Variants in TBCD observed in about 807,000 individuals in gnomAD.
TBCD encodes the protein tubulin folding cofactor D.
A neutral mutation model predicts 169.3 loss-of-function variants in TBCD; 105 were observed. The observed-to-expected ratio is 0.62, with a 90% CI of 0.53 to 0.73. The LOEUF is 0.73. Ranked by LOEUF, TBCD falls within the 30% of genes least tolerant of loss-of-function variation. The pLI is 0.00. For synonymous variants in TBCD, 700 were observed against 643.9 expected (o/e 1.09, Z -1.32); for missense variants, 1,444 against 1,600.1 (o/e 0.90, Z 1.66).
chr17:82,919,925 AAATAC>A (rs1337762618), intron 23 of TBCD, among the ~76,000 whole-genome samples: 4 of 152,202 alleles, frequency 2.6e-5, no homozygotes, highest in Non-Finnish European at 1.5e-5. Flanking sequence ...GAGAAATAGC[AAATAC>A]CATGAACAAG....
chr17:82,847,679 C>T (rs1259076295), intron 13 of TBCD, among the ~76,000 whole-genome samples: 1 of 152,124 alleles, frequency 6.6e-6, no homozygotes, highest in Non-Finnish European at 1.5e-5. Flanking sequence ...GCTCTGTCAC[C>T]CAGGCTGGAG....
chr17:82,939,795 G>T (rs527381023), intron 37 of TBCD, among the ~76,000 whole-genome samples: 1 of 152,338 alleles, frequency 6.6e-6, no homozygotes, highest in South Asian at 2.1e-4. Context: ...GGCCTGGCAG[G>T]TGCTGCTGCC....
intron 16 of TBCD, chr17:82,892,991 A>G (rs2059245284): frequency 6.6e-6 from 1 of 152,278 alleles, no homozygotes; most frequent in South Asian, 2.1e-4. Context: ...GTCAGCTGTC[A>G]CCACCCCCAA....
intron 11 of TBCD, among the ~76,000 whole-genome samples, chr17:82,809,022 G>C (rs1420202379): frequency 6.6e-6 from 1 of 151,996 alleles, no homozygotes; most frequent in African/African-American, 2.4e-5. Flanking sequence ...TCTCCCATGC[G>C]TCTGTGCTGG....
At chr17:82,801,649 CGTGTGCGTTGTGTGGGTCGG>C (rs2050547679) in intron 9 of TBCD, among the ~76,000 whole-genome samples, 2 of 87,374 alleles carry the variant, frequency 2.3e-5, no homozygotes, top group Non-Finnish European at 4.7e-5. Flanking sequence ...AGGAGGGCGG[CGTGTGCGTTGTGTGGGTCGG>C]AGTCAGCGTG....
At position 82,907,816 on chromosome 17, in the gene TBCD, C is replaced by T. The variant is rs1019781266; in HGVS notation, c.1978C>T (p.Gln660Ter). ...QAVQGLKQIH[Q>*]QLYDRQLYRG... ...AGTGCAGGGCCTGAAGCAGATTCAC[C>T]AGCAGGTTTGTGTGCAGCCTCTGGG... The change falls in exon 21 of 39, where the codon CAG becomes TAG. Residue 660 changes from glutamine (Q) to a stop codon, truncating the protein, a stop_gained. Coordinates refer to ENST00000355528, the MANE Select transcript of TBCD (RefSeq NM_005993.5). LOFTEE classifies it high-confidence loss of function. 4 of 1,613,496 alleles carry T rather than the reference C, an allele frequency of 2.5e-6. No homozygotes were observed. The highest frequency in any genetic ancestry group is 2.2e-5 in the East Asian group (1 of 44,862).
intron 13 of TBCD, among the ~76,000 whole-genome samples, chr17:82,837,893 C>T (rs551002333): frequency 2.8e-4 from 42 of 152,326 alleles, no homozygotes; most frequent in African/African-American, 1.0e-3. Context: ...TAGACAGTGT[C>T]TACACTAAAG....
chr17:82,867,061 C>T (rs906639724), intron 13 of TBCD, among the ~76,000 whole-genome samples: 84 of 152,326 alleles, frequency 5.5e-4, no homozygotes, highest in African/African-American at 1.9e-3. Context: ...CAGCTGACTA[C>T]GATGGTGCTA....
At chr17:82,879,478 CTG>C (rs1159574886) in intron 14 of TBCD, among the ~76,000 whole-genome samples, 1 of 152,240 alleles carries the variant, frequency 6.6e-6, no homozygotes, top group Non-Finnish European at 1.5e-5. Flanking sequence ...GTGGGACGCT[CTG>C]TGCATCCTCC....
chr17:82,811,822 C>T (rs936701306), intron 12 of TBCD, among the ~76,000 whole-genome samples: 2 of 152,192 alleles, frequency 1.3e-5, no homozygotes, highest in Non-Finnish European at 2.9e-5. Context: ...CAATCTTGTC[C>T]TTCCCTGGGA....
chr17:82,803,403 C>T (rs1316252218), intron 9 of TBCD, among the ~76,000 whole-genome samples: 1 of 152,236 alleles, frequency 6.6e-6, no homozygotes, highest in Admixed American at 6.5e-5. Flanking sequence ...CCCAGCCATT[C>T]TCTGACAGGT....
chr17:82,900,798 T>G, intron 18 of TBCD, 67 bp downstream of exon 18: 2 of 1,191,586 alleles, frequency 1.7e-6, no homozygotes, highest in Non-Finnish European at 2.5e-6. Flanking sequence ...CAGTTGAGCT[T>G]ATAAGCCTTG....
chr17:82,855,993 C>CTTTTTTTTTTTTT (rs60978063), intron 13 of TBCD, among the ~76,000 whole-genome samples: 12 of 66,270 alleles, frequency 1.8e-4, no homozygotes, highest in African/African-American at 3.5e-4. Flanking sequence ...TCCCCCCCCA[C>CTTTTTTTTTTTTT]TTTTTTTTTT....
rs1228301388 is a variant in TBCD, at chr17:82,768,522, C to G, written c.538C>G (p.Gln180Glu). The G allele has an allele frequency of 1.2e-6, 2 of 1,614,022 alleles. No homozygotes were observed. Among genetic ancestry groups the G allele is most frequent in the East Asian group, 4.5e-5 (2 of 44,890 alleles). ...LDGNLLTQPG[Q>E]ARMSIMDRIL... Reference sequence around the variant, plus strand: ...CGGGAACCTCCTCACCCAGCCTGGGCAAGCACGAATGTCCATAATGGACCG... The same window carrying G: ...CGGGAACCTCCTCACCCAGCCTGGGGAAGCACGAATGTCCATAATGGACCG... The change falls in exon 5 of 39, where the codon CAA (glutamine) becomes GAA (glutamate). Residue 180 changes from glutamine (Q) to glutamate (E), a missense_variant. Coordinates refer to ENST00000355528, the MANE Select transcript of TBCD (RefSeq NM_005993.5).
chr17:82,759,672 G>A (rs2047648767), intron 2 of TBCD, among the ~76,000 whole-genome samples: 1 of 152,100 alleles, frequency 6.6e-6, no homozygotes, highest in Admixed American at 6.6e-5. Context: ...CAGTTTCTTT[G>A]TGTTTGGCCT....
At chr17:82,878,678 A>C (rs550922211) in intron 14 of TBCD, among the ~76,000 whole-genome samples, 1 of 152,318 alleles carries the variant, frequency 6.6e-6, no homozygotes, top group African/African-American at 2.4e-5. Context: ...TTTCCTCTGT[A>C]ACTAGCAGTG....
intron 7 of TBCD, among the ~76,000 whole-genome samples, chr17:82,793,844 G>A (rs1330544885): frequency 6.6e-6 from 1 of 152,100 alleles, no homozygotes; most frequent in African/African-American, 2.4e-5. Flanking sequence ...GCCTGCGGGG[G>A]CACGGATGCG....
At position 82,923,794 on chromosome 17, in the gene TBCD, G is replaced by A; in HGVS notation, c.2260+61G>A. 3.5e-6 allele frequency: 5 copies of A among 1,430,736 alleles called. No individual in the cohort carries two copies. In the South Asian group the frequency reaches 6.2e-5, roughly 18 times the overall value. The allele number at this position is 1,430,736 out of a possible 1,614,324, so 88.6% of individuals were successfully genotyped here. On this transcript the variant is annotated intron_variant, in intron 26 of 38. Transcript: ENST00000355528. The surrounding 1 kb of genome is among the most constrained non-coding windows in gnomAD (Gnocchi z 4.6). ...GCTTCCAGCAGGAAGCTGCTGGGGA[G>A]TGTCTGGGCACGGAGGAGGCCTCGG... is the stretch of plus-strand genomic sequence containing the variant.
intron 17 of TBCD, among the ~76,000 whole-genome samples, chr17:82,894,468 A>G (rs914622393): frequency 6.6e-6 from 1 of 152,204 alleles, no homozygotes; most frequent in African/African-American, 2.4e-5. Flanking sequence ...TACCCTAAAG[A>G]TCGATTCCCC....
Sources: allele counts gnomAD v4.1 joint callset (sites outside exome capture counted in the v4.1 genomes callset), GRCh38; gene constraint gnomAD v4.1.1; non-coding constraint Gnocchi (gnomAD v3.1); transcripts MANE v1.5; gene names NCBI Gene and HGNC (gene_info 2026-07-23, HGNC 2026-07-21).